Variants in SEC14L1 observed in about 807,000 individuals in gnomAD.
SEC14L1 encodes SEC14-like protein 1.
Under a neutral mutation model 85.3 loss-of-function variants are expected in SEC14L1, and 48 were observed. The observed-to-expected ratio is 0.56, with a 90% CI of 0.45 to 0.72. The LOEUF is 0.72. SEC14L1 is among the 30% of genes least tolerant of loss of function. The pLI is 0.00. For missense variants in SEC14L1, 682 were observed against 921.4 expected, an observed-to-expected ratio of 0.74 and a Z score of 3.36; for synonymous variants, 391 against 355.5, an observed-to-expected ratio of 1.10 and a Z score of -1.12.
chr17:77,201,452 C>CT (rs540189374), intron 9 of SEC14L1, among the ~76,000 whole-genome samples: 32,385 of 138,372 alleles, frequency 0.23, 4,326 homozygotes, highest in South Asian at 0.35. Flanking sequence ...ACAAATGTGT[C>CT]TTTTTTTTTT....
intron 3 of SEC14L1, among the ~76,000 whole-genome samples, chr17:77,155,616 A>C (rs1429047453): frequency 1.3e-5 from 2 of 152,118 alleles, no homozygotes; most frequent in Non-Finnish European, 2.9e-5. Flanking sequence ...CCCTGAGTCT[A>C]CCCCTCACTC....
In SEC14L1 at chr17:77,199,454, C is replaced by T. The variant is rs186285391; in HGVS notation, c.820-1030C>T. The T allele has an allele frequency of 7.4e-5, 12 of 161,424 alleles. No homozygotes were observed. The East Asian group carries it at 2.1e-3, about 28-fold the overall frequency. 10.0% of individuals were successfully genotyped at this position (161,424 alleles called of 1,614,324 possible). ...GCCCGGAGAGACGGTGGAGATGTGGCCCAGTCTTGTGCTTGCTTCCCTTTT... is the reference window on the plus strand; with the variant it reads ...GCCCGGAGAGACGGTGGAGATGTGGTCCAGTCTTGTGCTTGCTTCCCTTTT... On this transcript the variant is annotated intron_variant, in intron 8 of 16. Coordinates refer to ENST00000436233, the MANE Select transcript of SEC14L1 (RefSeq NM_001143998.2).
intron 8 of SEC14L1, among the ~76,000 whole-genome samples, chr17:77,197,374 A>G (rs1346499387): frequency 2.0e-5 from 3 of 152,162 alleles, no homozygotes; most frequent in Non-Finnish European, 4.4e-5. Context: ...CAGTAATGGA[A>G]CCTGGAGAAG....
Position 77,216,710 on chromosome 17 carries a change from C to T in SEC14L1, c.*2687C>T. On this transcript the variant is annotated 3_prime_UTR_variant, in exon 17 of 17. Coordinates refer to ENST00000436233, the MANE Select transcript of SEC14L1 (RefSeq NM_001143998.2). ...GATTCGGGAGTGGCATTCTTTTATA[C>T]CCAAAGACTGTAGTGCATCTTGAAG... 2 of 1,423,024 alleles carry T rather than the reference C, an allele frequency of 1.4e-6. No individual in the cohort carries two copies. Among genetic ancestry groups the T allele is most frequent in the Non-Finnish European group, 9.7e-7 (1 of 1,026,320 alleles). The allele number at this position is 1,423,024 out of a possible 1,614,324, so 88.1% of individuals were successfully genotyped here. A position where few individuals can be genotyped will look rare whatever the true frequency, so the allele number is the denominator to read the frequency against.
At chr17:77,193,680 A>AC in intron 6 of SEC14L1, 131 bp downstream of exon 6, 1 of 928,954 alleles carries the variant, frequency 1.1e-6, no homozygotes, top group South Asian at 1.8e-5. Context: ...TATGATCCCT[A>AC]CCCCCTGCCT....
At chr17:77,148,847 C>CAAGG (rs1973429942) in intron 3 of SEC14L1, among the ~76,000 whole-genome samples, 2 of 152,250 alleles carry the variant, frequency 1.3e-5, no homozygotes, top group Admixed American at 1.3e-4. Context: ...CGTCTCAGCT[C>CAAGG]CTGTGCTTTT....
chr17:77,208,294 G>A (rs1232385760), intron 13 of SEC14L1, among the ~76,000 whole-genome samples: 1 of 152,194 alleles, frequency 6.6e-6, no homozygotes, highest in African/African-American at 2.4e-5. Context: ...TTTAGCAAGC[G>A]CCTATGAGGT....
At chr17:77,107,110 G>T (rs1314410906) in intron 3 of SEC14L1, among the ~76,000 whole-genome samples, 1 of 152,238 alleles carries the variant, frequency 6.6e-6, no homozygotes, top group Non-Finnish European at 1.5e-5. Flanking sequence ...TGACTTGAGA[G>T]TCTGGGGCAG....
chr17:77,096,647 TCGTCCA>T (rs1400831874), intron 3 of SEC14L1, among the ~76,000 whole-genome samples: 1 of 152,180 alleles, frequency 6.6e-6, no homozygotes, highest in Non-Finnish European at 1.5e-5. Context: ...ATTTCTCTCT[TCGTCCA>T]CTAGAGGATG....
At chr17:77,125,908 T>G (rs1345773940) in intron 3 of SEC14L1, among the ~76,000 whole-genome samples, 1 of 152,130 alleles carries the variant, frequency 6.6e-6, no homozygotes, top group Non-Finnish European at 1.5e-5. Context: ...TCCCAACACT[T>G]TGGGAGGCCC....
intron 3 of SEC14L1, among the ~76,000 whole-genome samples, chr17:77,124,108 T>C (rs889140665): frequency 1.3e-5 from 2 of 152,028 alleles, no homozygotes; most frequent in African/African-American, 2.4e-5. Context: ...TCACACCTAT[T>C]ATCCTAACAC....
intron 10 of SEC14L1, 117 bp from the exon 11 acceptor site, chr17:77,205,159 T>A (rs947696522): frequency 7.2e-6 from 6 of 832,734 alleles, no homozygotes; most frequent in Middle Eastern, 3.4e-4. Context: ...CATAGGTGAC[T>A]TTTTTGATTT....
At chr17:77,134,568 C>T (rs562699699) in intron 3 of SEC14L1, among the ~76,000 whole-genome samples, 23 of 151,990 alleles carry the variant, frequency 1.5e-4, no homozygotes, top group African/African-American at 4.3e-4. Flanking sequence ...AACAAACAAA[C>T]AAAAAATACA....
At chr17:77,103,052 C>A (rs71384143) in intron 3 of SEC14L1, among the ~76,000 whole-genome samples, 1 of 152,110 alleles carries the variant, frequency 6.6e-6, no homozygotes, top group Non-Finnish European at 1.5e-5. Flanking sequence ...AAGTGATCCT[C>A]CACCTCGGCC....
intron 3 of SEC14L1, among the ~76,000 whole-genome samples, chr17:77,154,533 CA>C (rs1407117839): frequency 1.3e-5 from 2 of 152,112 alleles, no homozygotes; most frequent in African/African-American, 2.4e-5. Context: ...ATTTTTATAT[CA>C]GGGACTGGGG....
chr17:77,107,767 G>A (rs1414316151), intron 3 of SEC14L1, among the ~76,000 whole-genome samples: 1 of 152,184 alleles, frequency 6.6e-6, no homozygotes, highest in African/African-American at 2.4e-5. Context: ...GGTTTCCCAC[G>A]CGCTGACGGC....
chr17:77,121,795 A>G (rs903543504), intron 3 of SEC14L1, among the ~76,000 whole-genome samples: 2 of 152,222 alleles, frequency 1.3e-5, no homozygotes, highest in Non-Finnish European at 2.9e-5. Context: ...TGGGACTCCA[A>G]TCCTTTGTGC....
intron 3 of SEC14L1, among the ~76,000 whole-genome samples, chr17:77,116,032 C>T (rs1972165271): frequency 6.6e-6 from 1 of 151,982 alleles, no homozygotes; most frequent in Non-Finnish European, 1.5e-5. Context: ...GATCCTCCTG[C>T]CTCAGCCTCC....
At chr17:77,199,335 C>G (rs1975993957) in intron 8 of SEC14L1, 1 of 156,888 alleles carries the variant, frequency 6.4e-6, no homozygotes, top group Admixed American at 6.5e-5. Context: ...AGGGATTCTC[C>G]AAATACCCCA....
Sources: gnomAD v4.1 joint callset for allele counts (sites outside exome capture counted in the v4.1 genomes callset) on GRCh38, gnomAD v4.1.1 for gene constraint, MANE v1.5 for transcripts, NCBI Gene and HGNC (gene_info 2026-07-23, HGNC 2026-07-21) for gene names.